The following ANGPT1 variants were observed in gnomAD, a reference collection of about 807,000 sequenced individuals.
ANGPT1 encodes angiopoietin-1.
A neutral mutation model predicts 62.2 loss-of-function variants in ANGPT1; 17 were observed. The ratio of observed to expected loss-of-function variants is 0.27; its 90% CI spans 0.19 to 0.41. ANGPT1 has a LOEUF of 0.41. ANGPT1 is among the 10% of genes least tolerant of loss of function. The pLI, the probability that ANGPT1 is intolerant of heterozygous loss-of-function variation, is 1.00. For synonymous variants in ANGPT1, 199 were observed against 198.9 expected (o/e 1.00, Z 0.00); for missense variants, 478 against 594.9 (o/e 0.80, Z 2.04).
At chr8:107,385,124 T>C (rs193013906) in intron 1 of ANGPT1, among the ~76,000 whole-genome samples, 1 of 152,218 alleles carries the variant, frequency 6.6e-6, no homozygotes, top group African/African-American at 2.4e-5. Context: ...AATTGAGTTT[T>C]GGAATGTCGT....
intron 7 of ANGPT1, among the ~76,000 whole-genome samples, chr8:107,273,431 A>C (rs1414947440): frequency 6.6e-6 from 1 of 152,074 alleles, no homozygotes; most frequent in East Asian, 1.9e-4. Context: ...CAAAGTCATC[A>C]GTGTGCTTAT....
At chr8:107,303,609 T>A (rs1243996443) in intron 4 of ANGPT1, among the ~76,000 whole-genome samples, 1 of 151,710 alleles carries the variant, frequency 6.6e-6, no homozygotes, top group Non-Finnish European at 1.5e-5. Flanking sequence ...TTTACTTAAT[T>A]TCTTAATTCT....
chr8:107,493,518 T>C (rs1813018457), intron 1 of ANGPT1, among the ~76,000 whole-genome samples: 1 of 150,602 alleles, frequency 6.6e-6, no homozygotes, highest in African/African-American at 2.4e-5. Flanking sequence ...CAATATTGTT[T>C]TAACTAGTAT....
chr8:107,313,429 G>GTT (rs71308720), intron 4 of ANGPT1, among the ~76,000 whole-genome samples: 21,257 of 64,124 alleles, frequency 0.33, 8,352 homozygotes, highest in Non-Finnish European at 0.36. Context: ...GTTACTAGTT[G>GTT]TTTTTTTTTT....
At chr8:107,381,731 A>G (rs1654723) in intron 1 of ANGPT1, among the ~76,000 whole-genome samples, 72,338 of 151,686 alleles carry the variant, frequency 0.48, 19,050 homozygotes, top group Non-Finnish European at 0.59. Context: ...CATGTCAGAA[A>G]GGATCGTTAT....
chr8:107,370,380 G>GA (rs1158120942), intron 1 of ANGPT1, among the ~76,000 whole-genome samples: 16,720 of 52,988 alleles, frequency 0.32, 5,520 homozygotes, highest in East Asian at 0.7. Context: ...AAGAAAGAAA[G>GA]AAAGAAAGAA....
intron 5 of ANGPT1, among the ~76,000 whole-genome samples, chr8:107,295,868 T>C (rs746893148): frequency 3.3e-5 from 5 of 152,074 alleles, no homozygotes; most frequent in Non-Finnish European, 7.4e-5. Flanking sequence ...GACCAAATAA[T>C]ATAAACACCT....
At chr8:107,464,303 G>T (rs1812145937) in intron 1 of ANGPT1, among the ~76,000 whole-genome samples, 2 of 152,208 alleles carry the variant, frequency 1.3e-5, no homozygotes, top group East Asian at 3.9e-4. Flanking sequence ...AATATGACTT[G>T]CCTCTATGCA....
At chr8:107,489,558 T>G (rs1209270812) in intron 1 of ANGPT1, among the ~76,000 whole-genome samples, 1 of 152,204 alleles carries the variant, frequency 6.6e-6, no homozygotes, top group Non-Finnish European at 1.5e-5. Context: ...AAATTCAGAT[T>G]ATTTGAGCAG....
At chr8:107,373,884 G>T (rs781231820) in intron 1 of ANGPT1, among the ~76,000 whole-genome samples, 2 of 152,164 alleles carry the variant, frequency 1.3e-5, no homozygotes, top group African/African-American at 2.4e-5. Context: ...TCTCTTAGAA[G>T]AAATGACTTA....
chr8:107,373,907 A>C (rs1816469697), intron 1 of ANGPT1, among the ~76,000 whole-genome samples: 1 of 152,232 alleles, frequency 6.6e-6, no homozygotes, highest in South Asian at 2.1e-4. Flanking sequence ...TAAGAAGAAG[A>C]GTCTTGGAAA....
intron 3 of ANGPT1, among the ~76,000 whole-genome samples, chr8:107,331,125 TAA>T (rs1408952559): frequency 2.0e-5 from 3 of 152,188 alleles, no homozygotes; most frequent in African/African-American, 7.2e-5. Context: ...AGCTTTAATT[TAA>T]AAGACTATGA....
At chr8:107,443,381 A>T (rs1475016978) in intron 1 of ANGPT1, among the ~76,000 whole-genome samples, 1 of 152,234 alleles carries the variant, frequency 6.6e-6, no homozygotes. Flanking sequence ...TGAGAAAGTT[A>T]ATTAGCTAAT....
chr8:107,465,613 A>G (rs1812179377), intron 1 of ANGPT1, among the ~76,000 whole-genome samples: 1 of 152,168 alleles, frequency 6.6e-6, no homozygotes, highest in South Asian at 2.1e-4. Context: ...CTGAATGACA[A>G]GTCTAAGCTT....
intron 2 of ANGPT1, among the ~76,000 whole-genome samples, chr8:107,343,124 ACT>A (rs1815731596): frequency 6.6e-6 from 1 of 150,640 alleles, no homozygotes; most frequent in Admixed American, 6.7e-5. Context: ...GGTGCGGGCC[ACT>A]CTACCTGGCT....
rs1469683223 is a variant in ANGPT1, at chr8:107,334,017, G to GGAAGGAAC, written c.575+2132_575+2133insGTTCCTTC. Reference sequence around the variant, plus strand: ...GGGAGGGAAGGAAGGAAGGAAGGAAGGAAGGAAGGAAGGAAGGAAGGATGG... The same window carrying GGAAGGAAC: ...GGGAGGGAAGGAAGGAAGGAAGGAAGGAAGGAACGAAGGAAGGAAGGAAGGAAGGATGG... On this transcript the variant is annotated intron_variant, in intron 3 of 8. Transcript: ENST00000517746. 1.4e-5 allele frequency among the ~76,000 whole-genome samples: 2 copies of GGAAGGAAC among 147,892 alleles called. 1 individual carries two copies. Among genetic ancestry groups the GGAAGGAAC allele is most frequent in the Admixed American group, 1.3e-4 (2 of 14,850 alleles).
chr8:107,469,215 T>C (rs577332233), intron 1 of ANGPT1, among the ~76,000 whole-genome samples: 1 of 152,150 alleles, frequency 6.6e-6, no homozygotes. Flanking sequence ...AAAGTACATT[T>C]TTAGTACCTG....
Position 107,385,694 on chromosome 8 carries a change from T to A in ANGPT1, c.298-38597A>T, listed in dbSNP as rs116102066. On this transcript the variant is annotated intron_variant, in intron 1 of 8. Transcript: ENST00000517746. ...TGAATAGGGATGGTGAAGGTGAACA[T>A]CCTTGTTTCATTTCAGTTCTCATGG... Among the ~76,000 whole-genome samples the A allele has an allele frequency of 8.7e-3, 1,319 of 152,182 alleles. 26 individuals carry two copies. Among genetic ancestry groups the A allele is most frequent in the African/African-American group, 0.029 (1,211 of 41,544 alleles).
At position 107,270,974 on chromosome 8, in the gene ANGPT1, C is replaced by T. The variant is rs541612610; in HGVS notation, c.1206-6623G>A. ...TATCTAAAAACATTTTAAAAATATACAGATCAAGCAGATACAGGTAATTTG... is the reference window on the plus strand; with the variant it reads ...TATCTAAAAACATTTTAAAAATATATAGATCAAGCAGATACAGGTAATTTG... On this transcript the variant is annotated intron_variant, in intron 7 of 8. Transcript: ENST00000517746. Among the ~76,000 whole-genome samples, 3 of 151,888 alleles carry T rather than the reference C, an allele frequency of 2.0e-5. No individual in the cohort carries two copies. In the South Asian group the frequency reaches 6.2e-4, roughly 32 times the overall value.
Sources: gnomAD v4.1 joint callset for allele counts (sites outside exome capture counted in the v4.1 genomes callset) on GRCh38, gnomAD v4.1.1 for gene constraint, MANE v1.5 for transcripts, NCBI Gene and HGNC (gene_info 2026-07-23, HGNC 2026-07-21) for gene names.